Variants in RALYL observed in about 807,000 individuals in gnomAD.
RALYL encodes the protein RALY RNA binding protein like.
RALYL carries 29 observed loss-of-function variants against 35.1 expected under a neutral mutation model. The ratio of observed to expected loss-of-function variants is 0.83; its 90% CI spans 0.61 to 1.13. The LOEUF (loss-of-function observed/expected upper bound fraction) is 1.13, where lower values mean the gene tolerates loss of function less well. Ranked by LOEUF, RALYL falls within the 50% of genes most tolerant of loss-of-function variation. The probability of loss-of-function intolerance (pLI) is 0.00; values close to 1 mark genes in which losing one functional copy is unlikely to be tolerated. For synonymous variants in RALYL, 120 were observed against 127.6 expected (o/e 0.94, Z 0.40); for missense variants, 359 against 360.4 (o/e 1.00, Z 0.03).
At chr8:84,468,758 C>T (rs1337984999) in intron 1 of RALYL, among the ~76,000 whole-genome samples, 3 of 151,798 alleles carry the variant, frequency 2.0e-5, no homozygotes, top group Non-Finnish European at 4.4e-5. Flanking sequence ...TGGTTCCATT[C>T]TCCCCATCAC....
chr8:84,373,595 A>C (rs1322736190), intron 1 of RALYL, among the ~76,000 whole-genome samples: 1 of 151,910 alleles, frequency 6.6e-6, no homozygotes, highest in Non-Finnish European at 1.5e-5. Flanking sequence ...TTTTGTACAA[A>C]TACTATGCTG....
At chr8:84,857,058 A>G (rs552513613) in intron 5 of RALYL, among the ~76,000 whole-genome samples, 49 of 146,742 alleles carry the variant, frequency 3.3e-4, no homozygotes, top group African/African-American at 1.2e-3. Flanking sequence ...AAAAAAAAAA[A>G]AGAATTATTT....
At chr8:84,838,960 A>T (rs1312309730) in intron 4 of RALYL, among the ~76,000 whole-genome samples, 1 of 152,208 alleles carries the variant, frequency 6.6e-6, no homozygotes, top group Non-Finnish European at 1.5e-5. Flanking sequence ...TCTGAAAAAA[A>T]TTATAAAAAC....
intron 2 of RALYL, among the ~76,000 whole-genome samples, chr8:84,647,018 T>G (rs889237350): frequency 1.3e-5 from 2 of 152,104 alleles, no homozygotes; most frequent in Non-Finnish European, 2.9e-5. Flanking sequence ...TACTTCCTAG[T>G]GCTCCTGGAT....
At chr8:84,417,607 C>A (rs1459867790) in intron 1 of RALYL, among the ~76,000 whole-genome samples, 1 of 151,622 alleles carries the variant, frequency 6.6e-6, no homozygotes, top group East Asian at 1.9e-4. Flanking sequence ...GGACTGTAGT[C>A]ACCTCTCTTT....
chr8:84,419,655 C>A (rs1331423801), intron 1 of RALYL, among the ~76,000 whole-genome samples: 1 of 149,886 alleles, frequency 6.7e-6, no homozygotes. Flanking sequence ...ACTAACTCGT[C>A]ATCTAGCATT....
intron 2 of RALYL, among the ~76,000 whole-genome samples, chr8:84,590,122 A>T (rs113905135): frequency 8.5e-5 from 13 of 152,338 alleles, no homozygotes; most frequent in African/African-American, 2.9e-4. Context: ...TCAATTTATC[A>T]TACTCCTAAA....
intron 2 of RALYL, among the ~76,000 whole-genome samples, chr8:84,593,427 T>C (rs1025340826): frequency 1.3e-5 from 2 of 152,082 alleles, no homozygotes; most frequent in African/African-American, 4.8e-5. Context: ...AACACTGTGA[T>C]CTCTATTTGG....
At chr8:84,592,757 A>G (rs970730371) in intron 2 of RALYL, among the ~76,000 whole-genome samples, 4 of 152,186 alleles carry the variant, frequency 2.6e-5, no homozygotes, top group Non-Finnish European at 5.9e-5. Context: ...CATAAAAATG[A>G]AAAGTTTCAG....
At chr8:84,558,585 G>T (rs2061283694) in intron 2 of RALYL, among the ~76,000 whole-genome samples, 1 of 152,000 alleles carries the variant, frequency 6.6e-6, no homozygotes, top group African/African-American at 2.4e-5. Flanking sequence ...TGCTATTTCT[G>T]TTAGTTTAAA....
chr8:84,302,014 C>A (rs1840885390), intron 1 of RALYL, among the ~76,000 whole-genome samples: 1 of 152,036 alleles, frequency 6.6e-6, no homozygotes, highest in Non-Finnish European at 1.5e-5. Context: ...ACCTTAATTA[C>A]AAATCAAGTC....
At position 84,254,907 on chromosome 8, in the gene RALYL, A is replaced by G. The variant is rs142531635; in HGVS notation, c.-24+70483A>G. ...GCAGGAGGAACTACCAAACAATCATAAAACCATCAGATGTCGTGAGTGAGC... is the reference window on the plus strand; with the variant it reads ...GCAGGAGGAACTACCAAACAATCATGAAACCATCAGATGTCGTGAGTGAGC... On this transcript the variant is annotated intron_variant, in intron 1 of 8. Coordinates refer to ENST00000521268, the MANE Select transcript of RALYL (RefSeq NM_173848.7). 7.8e-3 allele frequency among the ~76,000 whole-genome samples: 1,181 copies of G among 152,210 alleles called. 19 individuals are homozygous for G. The highest frequency in any genetic ancestry group is 0.027 in the African/African-American group (1,136 of 41,538).
intron 2 of RALYL, among the ~76,000 whole-genome samples, chr8:84,559,260 T>C (rs766403948): frequency 2.6e-5 from 4 of 152,080 alleles, no homozygotes; most frequent in African/African-American, 4.8e-5. Flanking sequence ...AAGAATTATT[T>C]TGAAATCATA....
intron 5 of RALYL, among the ~76,000 whole-genome samples, chr8:84,861,180 C>T (rs1838029826): frequency 6.6e-6 from 1 of 151,954 alleles, no homozygotes; most frequent in Non-Finnish European, 1.5e-5. Context: ...TATTCTGTCA[C>T]AATAAAATAT....
chr8:84,467,696 C>G (rs143058389), intron 1 of RALYL, among the ~76,000 whole-genome samples: 52,524 of 151,062 alleles, frequency 0.35, 9,444 homozygotes, highest in South Asian at 0.51. Flanking sequence ...CCTGGGTATC[C>G]TTGTTGACTT....
intron 2 of RALYL, among the ~76,000 whole-genome samples, chr8:84,653,874 A>G (rs1012074702): frequency 6.6e-5 from 10 of 151,846 alleles, no homozygotes; most frequent in Admixed American, 2.0e-4. Context: ...TCTCTAATAT[A>G]AAGTATTTTT....
At chr8:84,666,478 C>T (rs1397071869) in intron 2 of RALYL, among the ~76,000 whole-genome samples, 1 of 151,938 alleles carries the variant, frequency 6.6e-6, no homozygotes, top group Admixed American at 6.6e-5. Context: ...GTTTGAGAGA[C>T]ATGTGGAATG....
intron 2 of RALYL, among the ~76,000 whole-genome samples, chr8:84,626,412 G>A (rs1417633539): frequency 6.6e-6 from 1 of 152,110 alleles, no homozygotes; most frequent in African/African-American, 2.4e-5. Context: ...CTGACCACAC[G>A]ATGGAGTCAT....
chr8:84,767,492 T>A (rs1228733784), intron 2 of RALYL, among the ~76,000 whole-genome samples: 2 of 152,212 alleles, frequency 1.3e-5, no homozygotes, highest in Non-Finnish European at 2.9e-5. Context: ...ACTTTTTTTA[T>A]ACTTTTTTCA....
Sources: allele counts gnomAD v4.1 joint callset (sites outside exome capture counted in the v4.1 genomes callset), GRCh38; gene constraint gnomAD v4.1.1; transcripts MANE v1.5; gene names NCBI Gene and HGNC (gene_info 2026-07-23, HGNC 2026-07-21).